MXI1: variants seen among roughly 807,000 people sequenced by gnomAD.
MXI1 encodes the protein MAX interactor 1, dimerization protein, also known as max-interacting protein 1.
MXI1 carries 18 observed loss-of-function variants against 36.9 expected under a neutral mutation model. The ratio of observed to expected loss-of-function variants is 0.49; its 90% CI spans 0.34 to 0.72. MXI1 has a LOEUF of 0.72. Among genes scored for constraint, MXI1 ranks in the 30% least tolerant of loss-of-function variants. MXI1 has a pLI of 0.01. For synonymous variants in MXI1, 160 were observed against 146.7 expected (o/e 1.09, Z -0.65); for missense variants, 304 against 379.1 (o/e 0.80, Z 1.64).
chr10:110,225,120 G>A (rs1854921030), intron 1 of MXI1, among the ~76,000 whole-genome samples: 1 of 152,278 alleles, frequency 6.6e-6, no homozygotes, highest in African/African-American at 2.4e-5. Flanking sequence ...CACAAACCTC[G>A]AGAGCAGGTC....
chr10:110,243,544 A>G (rs896434018), intron 2 of MXI1, among the ~76,000 whole-genome samples: 30 of 152,124 alleles, frequency 2.0e-4, no homozygotes, highest in African/African-American at 6.5e-4. Context: ...AAAGCCATAA[A>G]TATTCTTTAA....
chr10:110,281,231 G>A (rs1422923800), intron 5 of MXI1, among the ~76,000 whole-genome samples: 1 of 151,948 alleles, frequency 6.6e-6, no homozygotes, highest in African/African-American at 2.4e-5. Context: ...ATTTTTTCTG[G>A]AATGCTTTAA....
In MXI1 at chr10:110,208,080, AAAGT is replaced by A. The variant is rs1854405601; in HGVS notation, c.274+3_274+6del. 1.3e-6 allele frequency: 2 copies of A among 1,587,488 alleles called. No homozygotes were observed. Among genetic ancestry groups the A allele is most frequent in the Non-Finnish European group, 1.7e-6 (2 of 1,167,416 alleles). ...CTGGAGCAGATCGAGAAAGAAAACAAAAGTAAGTTTGGGGGCCCCTGCTCTTCCT... is the reference window on the plus strand; with the variant it reads ...CTGGAGCAGATCGAGAAAGAAAACAAAAGTTTGGGGGCCCCTGCTCTTCCT... On this transcript the variant is annotated splice_donor_variant and coding_sequence_variant, in exon 1 of 6. Transcript: ENST00000332674. LOFTEE classifies it high-confidence loss of function.
chr10:110,285,034 AT>A lies in MXI1; in HGVS notation c.*49del. ...GCAGGGCAAAATATTCACTGGGCCA[AT>A]TCAATACAAACAATCTCTTAAATTG... is the stretch of plus-strand genomic sequence containing the variant. On this transcript the variant is annotated 3_prime_UTR_variant, in exon 6 of 6. Coordinates refer to ENST00000332674, the MANE Select transcript of MXI1 (RefSeq NM_130439.3). The A allele has an allele frequency of 6.6e-7, 1 of 1,524,388 alleles. No homozygotes were observed. Among genetic ancestry groups the A allele is most frequent in the Non-Finnish European group, 8.8e-7 (1 of 1,130,918 alleles). The allele number at this position is 1,524,388 out of a possible 1,614,324, so 94.4% of individuals were successfully genotyped here. A position where few individuals can be genotyped will look rare whatever the true frequency, so the allele number is the denominator to read the frequency against.
intron 3 of MXI1, among the ~76,000 whole-genome samples, chr10:110,275,021 C>T (rs1856981257): frequency 1.3e-5 from 2 of 148,502 alleles, no homozygotes; most frequent in African/African-American, 2.4e-5. Context: ...ATTACAGGCA[C>T]GGACCACCAT....
At chr10:110,213,820 G>A (rs1854564836) in intron 1 of MXI1, among the ~76,000 whole-genome samples, 1 of 152,246 alleles carries the variant, frequency 6.6e-6, no homozygotes, top group South Asian at 2.1e-4. Context: ...AGATGCCTGG[G>A]CAAAAGTCTA....
At chr10:110,228,160 A>G (rs748881844) in intron 1 of MXI1, 29 bp from the exon 2 acceptor site, 4 of 1,612,096 alleles carry the variant, frequency 2.5e-6, no homozygotes, top group Admixed American at 1.7e-5. Flanking sequence ...TATTCTTCTT[A>G]CCGTATCTTT....
At chr10:110,264,825 A>G (rs187471880) in intron 3 of MXI1, among the ~76,000 whole-genome samples, 142 of 152,314 alleles carry the variant, frequency 9.3e-4, no homozygotes, top group African/African-American at 3.4e-3. Context: ...CCATTCATTT[A>G]AAATTGTAGT....
chr10:110,255,851 C>A (rs932779923), intron 3 of MXI1, among the ~76,000 whole-genome samples: 6 of 151,838 alleles, frequency 4.0e-5, no homozygotes, highest in East Asian at 1.9e-4. Context: ...TGCAAGGTAC[C>A]CAGAATAACC....
chr10:110,284,993 A>G lies in MXI1; in HGVS notation c.*6A>G. 6.2e-7 allele frequency: 1 copy of G among 1,609,392 alleles called. No individual in the cohort carries two copies. The highest frequency in any genetic ancestry group is 8.5e-7 in the Non-Finnish European group (1 of 1,178,150). On this transcript the variant is annotated 3_prime_UTR_variant, in exon 6 of 6. Coordinates refer to ENST00000332674, the MANE Select transcript of MXI1 (RefSeq NM_130439.3). ...AACTTTCATTCACTTCATAGAACCCAGCATGACATAACAGTGCAGGGCAAA... is the reference window on the plus strand; with the variant it reads ...AACTTTCATTCACTTCATAGAACCCGGCATGACATAACAGTGCAGGGCAAA...
At chr10:110,268,829 ACATAC>A (rs1856766665) in intron 3 of MXI1, among the ~76,000 whole-genome samples, 1 of 152,196 alleles carries the variant, frequency 6.6e-6, no homozygotes, top group Non-Finnish European at 1.5e-5. Context: ...AAATAAAAAG[ACATAC>A]CAAAACATTG....
intron 2 of MXI1, among the ~76,000 whole-genome samples, chr10:110,241,252 G>A (rs968524955): frequency 6.6e-5 from 10 of 151,916 alleles, no homozygotes; most frequent in Admixed American, 2.6e-4. Flanking sequence ...GTTGTTAAGT[G>A]TTCAGGGTAA....
rs1854408425 is a variant in MXI1, at chr10:110,208,143, G to A, written c.274+61G>A. On this transcript the variant is annotated intron_variant, in intron 1 of 5. Transcript: ENST00000332674. Reference sequence around the variant, plus strand: ...GGTTCTTTCTTTCTCGCCCACTTGGGCGACCCCTGTTGCGAGCTCGGCCCG... The same window carrying A: ...GGTTCTTTCTTTCTCGCCCACTTGGACGACCCCTGTTGCGAGCTCGGCCCG... The A allele has an allele frequency of 2.6e-6, 4 of 1,536,146 alleles. No individual in the cohort carries two copies. In the Admixed American group the frequency reaches 5.9e-5, roughly 23 times the overall value.
chr10:110,216,001 C>T (rs144941528), intron 1 of MXI1, among the ~76,000 whole-genome samples: 104 of 152,320 alleles, frequency 6.8e-4, no homozygotes, highest in African/African-American at 2.3e-3. Flanking sequence ...TCATTGTACC[C>T]GAGTGGCCTG....
intron 1 of MXI1, among the ~76,000 whole-genome samples, chr10:110,209,208 G>A (rs1361897206): frequency 6.6e-6 from 1 of 152,154 alleles, no homozygotes; most frequent in African/African-American, 2.4e-5. Context: ...AATAATAGCT[G>A]TGAAAAGGAG....
rs760111369 is a variant in MXI1 at position 110,279,990 on chromosome 10, G to A, written c.629G>A (p.Arg210Gln). Residue 210 changes from arginine to glutamine, a missense_variant, in exon 5 of 6, where the codon CGA becomes CAA. Transcript: ENST00000332674. Reference sequence around the variant, plus strand: ...CGAGAACAGAGATTTTTAAAGTGGCGACTGGAACAGCTGCAGGGTCCTCAG... The same window carrying A: ...CGAGAACAGAGATTTTTAAAGTGGCAACTGGAACAGCTGCAGGGTCCTCAG... ...LEREQRFLKW[R>Q]LEQLQGPQEM... 16 of 1,613,310 alleles carry A rather than the reference G, an allele frequency of 9.9e-6. No homozygotes were observed. Among genetic ancestry groups the A allele is most frequent in the Middle Eastern group, 1.6e-4 (1 of 6,082 alleles).
chr10:110,270,351 T>C (rs1265224043), intron 3 of MXI1, among the ~76,000 whole-genome samples: 1 of 152,130 alleles, frequency 6.6e-6, no homozygotes. Context: ...GGATGTCAAG[T>C]GAGCAATTTC....
At chr10:110,260,229 T>A (rs1590384500) in intron 3 of MXI1, among the ~76,000 whole-genome samples, 1 of 152,206 alleles carries the variant, frequency 6.6e-6, no homozygotes, top group East Asian at 1.9e-4. Flanking sequence ...GAATGTTGTA[T>A]AAGTTAAACC....
chr10:110,225,080 T>C (rs1205221095), intron 1 of MXI1, among the ~76,000 whole-genome samples: 1 of 152,226 alleles, frequency 6.6e-6, no homozygotes, highest in East Asian at 1.9e-4. Context: ...AATTATTATA[T>C]TTAATCTTTG....
Sources: gnomAD v4.1 joint callset for allele counts (sites outside exome capture counted in the v4.1 genomes callset) on GRCh38, gnomAD v4.1.1 for gene constraint, MANE v1.5 for transcripts, NCBI Gene and HGNC (gene_info 2026-07-23, HGNC 2026-07-21) for gene names.